CNDP2: variants seen among roughly 807,000 people sequenced by gnomAD.
The protein encoded by CNDP2 is carnosine dipeptidase 2.
A neutral mutation model predicts 55.0 loss-of-function variants in CNDP2; 38 were observed. That is an observed-to-expected ratio of 0.69 (90% CI 0.53 to 0.90). The LOEUF is 0.90. Among genes scored for constraint, CNDP2 ranks in the 40% least tolerant of loss-of-function variants. The pLI, the probability that CNDP2 is intolerant of heterozygous loss-of-function variation, is 0.00. For synonymous variants in CNDP2, 241 were observed against 260.2 expected, an observed-to-expected ratio of 0.93 and a Z score of 0.71; for missense variants, 607 against 621.7, an observed-to-expected ratio of 0.98 and a Z score of 0.25.
chr18:74,517,319 C>G (rs566788611), intron 9 of CNDP2: 1 of 152,304 alleles, frequency 6.6e-6, no homozygotes, highest in South Asian at 2.1e-4. Flanking sequence ...GGCCCGGGGC[C>G]CAGGAGCAGC....
At chr18:74,502,671 A>G (rs1408439989) in intron 3 of CNDP2, among the ~76,000 whole-genome samples, 1 of 152,090 alleles carries the variant, frequency 6.6e-6, no homozygotes, top group Non-Finnish European at 1.5e-5. Context: ...TATATTTTCA[A>G]AGTTTGTAAT....
chr18:74,512,593 G>A, intron 7 of CNDP2, 61 bp downstream of exon 7: 1 of 1,425,174 alleles, frequency 7.0e-7, no homozygotes, highest in South Asian at 1.2e-5. Flanking sequence ...TGACTTCCAG[G>A]CTGTCTGTCA....
chr18:74,506,077 C>T, intron 4 of CNDP2, 66 bp downstream of exon 4: 1 of 1,435,636 alleles, frequency 7.0e-7, no homozygotes. Context: ...CATTGCTAGT[C>T]CGTTTTTCTG....
Position 74,518,971 on chromosome 18 carries a change from G to C in CNDP2, c.1233G>C (p.Leu411Phe), listed in dbSNP as rs749779594. Residue 411 changes from leucine to phenylalanine, a missense_variant, in exon 11 of 12, where the codon TTG (leucine) becomes TTC (phenylalanine). Physicochemically the swap from Leu to Phe is conservative, Grantham distance 22. Coordinates refer to ENST00000324262, the MANE Select transcript of CNDP2 (RefSeq NM_018235.3). ...MKTVFGVEPD[L>F]TREGGSIPVT... ...CAGTTTTTGGTGTTGAGCCAGACTT[G>C]ACCAGGGAAGGCGGCAGTATTCCCG... 1 of 1,613,976 alleles carries C rather than the reference G, an allele frequency of 6.2e-7. No individual in the cohort carries two copies. Among genetic ancestry groups the C allele is most frequent in the African/African-American group, 1.3e-5 (1 of 74,900 alleles).
intron 3 of CNDP2, among the ~76,000 whole-genome samples, chr18:74,504,189 C>G (rs558209732): frequency 3.4e-5 from 5 of 147,494 alleles, no homozygotes; most frequent in African/African-American, 1.0e-4. Flanking sequence ...CGCAGCCACA[C>G]TGCCACTGGG....
chr18:74,502,897 G>A (rs1978789904), intron 3 of CNDP2, among the ~76,000 whole-genome samples: 1 of 152,104 alleles, frequency 6.6e-6, no homozygotes, highest in South Asian at 2.1e-4. Flanking sequence ...TCATGCCCAG[G>A]CCTCCTGATT....
Position 74,513,700 on chromosome 18 carries a change from T to G in CNDP2, c.884T>G (p.Ile295Ser). 4 of 1,613,952 alleles carry G rather than the reference T, an allele frequency of 2.5e-6. No homozygotes were observed. The highest frequency in any genetic ancestry group is 3.4e-6 in the Non-Finnish European group (4 of 1,179,942). ...TTTGCCAAGGATGTGGGGGCGCAGA[T>G]CCTCCTGCACAGCCACAAGGTCTGG... ...EEFAKDVGAQ[I>S]LLHSHKKDIL... The change falls in exon 8 of 12, where the codon ATC (isoleucine) becomes AGC (serine). Residue 295 changes from isoleucine (I) to serine (S), a missense_variant. Ile to Ser is a moderately radical substitution (Grantham distance 142). Coordinates refer to ENST00000324262, the MANE Select transcript of CNDP2 (RefSeq NM_018235.3).
rs780601372 is a variant in CNDP2 at position 74,518,960 on chromosome 18, G to A, written c.1222G>A (p.Glu408Lys). The A allele has an allele frequency of 6.8e-6, 11 of 1,613,838 alleles. No individual in the cohort carries two copies. Among genetic ancestry groups the A allele is most frequent in the Non-Finnish European group, 9.3e-6 (11 of 1,179,998 alleles). Residue 408 changes from glutamate to lysine, a missense_variant, in exon 11 of 12, where the codon GAG becomes AAG. By Grantham distance (56) the Glu-to-Lys change is moderately conservative. Transcript: ENST00000324262. ...RRAMKTVFGV[E>K]PDLTREGGSI... ...TCATTTCCCCCCAGTTTTTGGTGTT[G>A]AGCCAGACTTGACCAGGGAAGGCGG...
At chr18:74,513,819 G>C in intron 8 of CNDP2, 100 bp downstream of exon 8, 2 of 1,253,286 alleles carry the variant, frequency 1.6e-6, no homozygotes, top group Admixed American at 4.4e-5. Context: ...GGGTCTCTGA[G>C]GGAAGAGCTG....
At chr18:74,500,767 C>T (rs113224755) in intron 2 of CNDP2, among the ~76,000 whole-genome samples, 16,511 of 152,174 alleles carry the variant, frequency 0.11, 1,451 homozygotes, top group African/African-American at 0.24. Flanking sequence ...CCTTAAAATC[C>T]GAGCTCCCTG....
At chr18:74,504,530 G>A (rs1599061864) in intron 3 of CNDP2, among the ~76,000 whole-genome samples, 1 of 152,342 alleles carries the variant, frequency 6.6e-6, no homozygotes, top group African/African-American at 2.4e-5. Context: ...AGTTTGGAAG[G>A]GACACTTTTC....
At chr18:74,509,824 G>T (rs1294385931) in intron 5 of CNDP2, among the ~76,000 whole-genome samples, 1 of 152,180 alleles carries the variant, frequency 6.6e-6, no homozygotes, top group Admixed American at 6.5e-5. Flanking sequence ...TTTGCATCTT[G>T]CTTTTATCTT....
intron 3 of CNDP2, among the ~76,000 whole-genome samples, chr18:74,501,755 A>C (rs544130253): frequency 5.3e-5 from 8 of 152,302 alleles, no homozygotes; most frequent in African/African-American, 1.7e-4. Context: ...AGAATGGCTG[A>C]GATTCCCCTC....
rs1042897015 is a variant in CNDP2, at chr18:74,518,351, G to C, written c.1069-148G>C. 8 of 724,740 alleles carry C rather than the reference G, an allele frequency of 1.1e-5. No individual in the cohort carries two copies. In the South Asian group the frequency reaches 1.5e-4, roughly 13 times the overall value. 44.9% of individuals were successfully genotyped at this position (724,740 alleles called of 1,614,324 possible). On this transcript the variant is annotated intron_variant, in intron 9 of 11. Transcript: ENST00000324262. The stretch of plus-strand genomic sequence containing the variant: ...TAAGCAACAGAAAATGAGACTCATC[G>C]TAGACTCAGCATAGACCCATCACAG...
chr18:74,502,662 A>G (rs1978776068), intron 3 of CNDP2, among the ~76,000 whole-genome samples: 1 of 152,172 alleles, frequency 6.6e-6, no homozygotes, highest in Non-Finnish European at 1.5e-5. Context: ...TTCATGCCAT[A>G]TATTTTCAAA....
intron 3 of CNDP2, 58 bp from the exon 4 acceptor site, chr18:74,505,791 T>C: frequency 6.2e-7 from 1 of 1,600,030 alleles, no homozygotes; most frequent in South Asian, 1.1e-5. Context: ...ATCTCCACCT[T>C]AAGCACTGAA....
intron 3 of CNDP2, among the ~76,000 whole-genome samples, chr18:74,503,918 A>G: frequency 6.7e-6 from 1 of 150,040 alleles, no homozygotes; most frequent in African/African-American, 2.5e-5. Context: ...ACGCAGCCAC[A>G]CTGCCGCTGG....
intron 4 of CNDP2, chr18:74,508,190 G>A (rs1979142054): frequency 1.3e-5 from 2 of 152,490 alleles, no homozygotes; most frequent in Non-Finnish European, 2.9e-5. Flanking sequence ...GCAGAGGATG[G>A]AGGAGGCGTG....
Position 74,522,886 on chromosome 18 carries a change from C to A in CNDP2, c.*2818C>A, listed in dbSNP as rs1980133811. ...CTGTGTGGCTCAGGCCAGTCAGCTT[C>A]CCCTGGAAGCAAGTGTGAGGTCGTC... On this transcript the variant is annotated 3_prime_UTR_variant, in exon 12 of 12. Coordinates refer to ENST00000324262, the MANE Select transcript of CNDP2 (RefSeq NM_018235.3). 1 of 152,318 alleles carries A rather than the reference C, an allele frequency of 6.6e-6. No individual in the cohort carries two copies. Among genetic ancestry groups the A allele is most frequent in the African/African-American group, 2.4e-5 (1 of 41,466 alleles). 9.4% of individuals were successfully genotyped at this position (152,318 alleles called of 1,614,324 possible).
Sources: gnomAD v4.1 joint callset for allele counts (sites outside exome capture counted in the v4.1 genomes callset) on GRCh38, gnomAD v4.1.1 for gene constraint, MANE v1.5 for transcripts, NCBI Gene and HGNC (gene_info 2026-07-23, HGNC 2026-07-21) for gene names.